Variants in SETD5 observed in about 807,000 individuals in gnomAD.
SETD5 encodes SET domain containing 5, also known as histone-lysine N-methyltransferase SETD5.
In SETD5, 44 loss-of-function variants were observed where a neutral mutation model predicts 153.3. The observed-to-expected ratio is 0.29, with a 90% CI of 0.23 to 0.37. The LOEUF (loss-of-function observed/expected upper bound fraction) is 0.37. Among genes scored for constraint, SETD5 ranks in the 10% least tolerant of loss-of-function variants. The pLI, the probability that SETD5 is intolerant of heterozygous loss-of-function variation, is 1.00. For synonymous variants in SETD5, 716 were observed against 645.2 expected (o/e 1.11, Z -1.66); for missense variants, 1,544 against 1,768.0 (o/e 0.87, Z 2.27).
intron 17 of SETD5, among the ~76,000 whole-genome samples, chr3:9,458,284 A>G (rs533425909): frequency 2.4e-4 from 37 of 152,272 alleles, no homozygotes; most frequent in African/African-American, 8.9e-4. Flanking sequence ...CCTTTGCCAA[A>G]GAAAATTCTA....
intron 7 of SETD5, among the ~76,000 whole-genome samples, chr3:9,439,852 A>G (rs2041056866): frequency 6.6e-6 from 1 of 152,224 alleles, no homozygotes; most frequent in Admixed American, 6.5e-5. Context: ...TGTTAGAAAG[A>G]TATACTCAAA....
At chr3:9,443,532 T>C in intron 11 of SETD5, 115 bp downstream of exon 11, 1 of 557,494 alleles carries the variant, frequency 1.8e-6, no homozygotes, top group Non-Finnish European at 2.7e-6. Context: ...ACTTAATCTT[T>C]TCATGACTAA....
intron 17 of SETD5, among the ~76,000 whole-genome samples, chr3:9,462,137 G>C (rs554548768): frequency 6.6e-6 from 1 of 152,222 alleles, no homozygotes; most frequent in Non-Finnish European, 1.5e-5. Context: ...TAACTACTGT[G>C]TTAACTCCAG....
intron 3 of SETD5, chr3:9,431,684 A>G (rs927022536): frequency 1.0e-6 from 1 of 985,710 alleles, no homozygotes; most frequent in African/African-American, 1.7e-5. Context: ...CCTCCACAAT[A>G]TACATTTTAT....
At chr3:9,416,512 T>G (rs531148575) in intron 1 of SETD5, among the ~76,000 whole-genome samples, 2 of 152,330 alleles carry the variant, frequency 1.3e-5, no homozygotes, top group Admixed American at 6.5e-5. Context: ...TAGTTTACAG[T>G]GATTTTTTTC....
intron 11 of SETD5, among the ~76,000 whole-genome samples, chr3:9,444,655 C>G (rs1216761605): frequency 6.6e-6 from 1 of 152,110 alleles, no homozygotes; most frequent in East Asian, 1.9e-4. Context: ...CTTTGGGAGG[C>G]TAAGGCTGGA....
intron 16 of SETD5, among the ~76,000 whole-genome samples, chr3:9,452,193 TTACAAG>T (rs972754608): frequency 2.0e-5 from 3 of 152,192 alleles, no homozygotes; most frequent in African/African-American, 4.8e-5. Flanking sequence ...GTAAATTATT[TTACAAG>T]TACATCTACT....
At chr3:9,404,181 A>T (rs117602296) in intron 1 of SETD5, among the ~76,000 whole-genome samples, 1 of 152,340 alleles carries the variant, frequency 6.6e-6, no homozygotes, top group East Asian at 1.9e-4. Flanking sequence ...ACTGCATGCA[A>T]CAATAAAGGG....
chr3:9,446,575 C>G (rs374515011), intron 13 of SETD5, among the ~76,000 whole-genome samples: 1 of 151,848 alleles, frequency 6.6e-6, no homozygotes, highest in Non-Finnish European at 1.5e-5. Flanking sequence ...TCACCACAAT[C>G]TCTGCCTCCC....
chr3:9,411,036 C>T (rs1174315863), intron 1 of SETD5, among the ~76,000 whole-genome samples: 2 of 151,962 alleles, frequency 1.3e-5, no homozygotes, highest in African/African-American at 4.8e-5. Context: ...CTACAGGTGC[C>T]TGCCACCACG....
chr3:9,440,370 CT>C, intron 7 of SETD5, 85 bp from the exon 8 acceptor site: 1 of 706,752 alleles, frequency 1.4e-6, no homozygotes, highest in Admixed American at 2.4e-5. Flanking sequence ...TAAATTTTCT[CT>C]GGAACCCCAG....
At chr3:9,427,267 G>A (rs111511558) in intron 2 of SETD5, among the ~76,000 whole-genome samples, 28 of 152,166 alleles carry the variant, frequency 1.8e-4, no homozygotes, top group African/African-American at 5.5e-4. Flanking sequence ...TACATTAACC[G>A]GCCAGGCACG....
chr3:9,440,785 T>A lies in SETD5; in HGVS notation c.810+87T>A. 3 of 1,460,152 alleles carry A rather than the reference T, an allele frequency of 2.1e-6. No individual in the cohort carries two copies. The South Asian group carries it at 4.1e-5, about 20-fold the overall frequency. The allele number at this position is 1,460,152 out of a possible 1,614,324, so 90.4% of individuals were successfully genotyped here. A position where few individuals can be genotyped will look rare whatever the true frequency, so the allele number is the denominator to read the frequency against. On this transcript the variant is annotated intron_variant, in intron 8 of 22. Coordinates refer to ENST00000402198, the MANE Select transcript of SETD5 (RefSeq NM_001080517.3). ...GTAATGGATTGGAATTACTGTTCCT[T>A]CCAAATGTACAAGGCCATGGAATAA...
chr3:9,440,048 A>G (rs912049922), intron 7 of SETD5, among the ~76,000 whole-genome samples: 2 of 152,224 alleles, frequency 1.3e-5, no homozygotes, highest in African/African-American at 4.8e-5. Context: ...TTCAGTGAGT[A>G]TGAAAAATTT....
intron 14 of SETD5, 106 bp from the exon 15 acceptor site, chr3:9,447,580 T>TA: frequency 7.8e-7 from 1 of 1,280,408 alleles, no homozygotes; most frequent in East Asian, 2.3e-5. Context: ...TTCTAATCCT[T>TA]ATATTTTTCA....
chr3:9,436,784 A>G (rs1343799047), intron 7 of SETD5: 3 of 1,406,266 alleles, frequency 2.1e-6, no homozygotes, highest in Non-Finnish European at 2.9e-6. Context: ...TTAGTCTCAG[A>G]TAGGTATAAC....
chr3:9,441,326 T>G (rs1044556946), intron 8 of SETD5, among the ~76,000 whole-genome samples: 1 of 151,994 alleles, frequency 6.6e-6, no homozygotes, highest in Non-Finnish European at 1.5e-5. Context: ...ATTTTAGAGA[T>G]AGAGTCACTG....
chr3:9,439,060 A>G (rs1254601172), intron 7 of SETD5, among the ~76,000 whole-genome samples: 1 of 152,192 alleles, frequency 6.6e-6, no homozygotes, highest in Non-Finnish European at 1.5e-5. Flanking sequence ...TACACTTATC[A>G]AGTGTAAGTT....
chr3:9,434,716 G>A lies in SETD5; in HGVS notation c.330-108G>A, dbSNP rs1398108527. 1 of 1,465,884 alleles carries A rather than the reference G, an allele frequency of 6.8e-7. No individual in the cohort carries two copies. Among genetic ancestry groups the A allele is most frequent in the Non-Finnish European group, 9.1e-7 (1 of 1,102,550 alleles). The allele number at this position is 1,465,884 out of a possible 1,614,324, so 90.8% of individuals were successfully genotyped here. On this transcript the variant is annotated intron_variant, in intron 5 of 22. Transcript: ENST00000402198. This position sits in a 1 kb window ranked among gnomAD's most constrained non-coding sequence, Gnocchi z 5.6. ...AAATTTAATGTCCTGGAAACATTTG[G>A]TAGGTGGGAGGGAGGGGGTAGCATA...
Sources: gnomAD v4.1 joint callset for allele counts (sites outside exome capture counted in the v4.1 genomes callset) on GRCh38, gnomAD v4.1.1 for gene constraint, Gnocchi (gnomAD v3.1) non-coding constraint, MANE v1.5 for transcripts, NCBI Gene and HGNC (gene_info 2026-07-23, HGNC 2026-07-21) for gene names.